TTC28: variants seen among roughly 807,000 people sequenced by gnomAD.
The protein encoded by TTC28 is tetratricopeptide repeat domain 28, also known as tetratricopeptide repeat protein 28.
TTC28 carries 61 observed loss-of-function variants against 198.0 expected under a neutral mutation model. The observed-to-expected ratio is 0.31, with a 90% confidence interval of 0.25 to 0.38. The LOEUF (loss-of-function observed/expected upper bound fraction) is 0.38, where lower values mean the gene tolerates loss of function less well. Among genes scored for constraint, TTC28 ranks in the 10% least tolerant of loss-of-function variants. The probability of loss-of-function intolerance (pLI) is 1.00; values close to 1 mark genes in which losing one functional copy is unlikely to be tolerated. For missense variants in TTC28, 2,678 were observed against 3,164.0 expected (o/e 0.85, Z 3.69); for synonymous variants, 1,171 against 1,297.8 (o/e 0.90, Z 2.10).
At chr22:28,533,839 G>A (rs1358884699) in intron 2 of TTC28, among the ~76,000 whole-genome samples, 2 of 152,280 alleles carry the variant, frequency 1.3e-5, no homozygotes, top group African/African-American at 4.8e-5. Context: ...AATGGTGCTG[G>A]GAAAACGGAC....
intron 2 of TTC28, among the ~76,000 whole-genome samples, chr22:28,485,178 G>C (rs766331749): frequency 6.6e-6 from 1 of 152,142 alleles, no homozygotes; most frequent in Non-Finnish European, 1.5e-5. Flanking sequence ...AACCTAGTTT[G>C]ATGAGAAAAT....
At chr22:28,123,908 G>T (rs1364793783) in intron 6 of TTC28, among the ~76,000 whole-genome samples, 4 of 152,010 alleles carry the variant, frequency 2.6e-5, no homozygotes, top group Non-Finnish European at 4.4e-5. Flanking sequence ...GCTTGAACCC[G>T]GGAGGCAGAG....
intron 12 of TTC28, among the ~76,000 whole-genome samples, chr22:28,058,741 T>A (rs1382062004): frequency 1.3e-5 from 2 of 152,066 alleles, no homozygotes; most frequent in Non-Finnish European, 2.9e-5. Context: ...TCATCTAAAC[T>A]TTGAGTTTGC....
chr22:28,309,143 C>G (rs2045204638), intron 2 of TTC28, among the ~76,000 whole-genome samples: 1 of 152,054 alleles, frequency 6.6e-6, no homozygotes, highest in Non-Finnish European at 1.5e-5. Context: ...GTTAAGCACC[C>G]AACGAAATTA....
chr22:28,315,235 GTCAAAGACTTT>G (rs1265063371), intron 2 of TTC28, among the ~76,000 whole-genome samples: 1 of 152,030 alleles, frequency 6.6e-6, no homozygotes, highest in Non-Finnish European at 1.5e-5. Context: ...AAGCTAAAAT[GTCAAAGACTTT>G]TATGCCATTT....
intron 12 of TTC28, among the ~76,000 whole-genome samples, chr22:28,058,837 AT>A (rs1437721555): frequency 6.6e-6 from 1 of 151,944 alleles, no homozygotes; most frequent in Non-Finnish European, 1.5e-5. Context: ...GGTAAAAGGA[AT>A]TTTTCAAGGA....
chr22:28,550,228 G>A (rs549179869), intron 2 of TTC28, among the ~76,000 whole-genome samples: 1 of 152,168 alleles, frequency 6.6e-6, no homozygotes, highest in South Asian at 2.1e-4. Context: ...ATTTTTTAGG[G>A]ACAGAGACCC....
rs1394782416 is a variant in TTC28, at chr22:27,983,362, C to T, written c.6305G>A (p.Ser2102Asn). 19 of 1,551,348 alleles carry T rather than the reference C, an allele frequency of 1.2e-5. No homozygotes were observed. The highest frequency in any genetic ancestry group is 1.6e-5 in the Non-Finnish European group (18 of 1,147,084). ...GMRVSVSSKG[S>N]ISTPNSPVKM... ...CACTGGAGAATTTGGAGTGCTGATGCTCCCTTTGGAGCTCACCGAGACTCT... is the reference window on the plus strand; with the variant it reads ...CACTGGAGAATTTGGAGTGCTGATGTTCCCTTTGGAGCTCACCGAGACTCT... Residue 2102 changes from serine (S) to asparagine (N), a missense_variant, in exon 23 of 23, where the codon AGC becomes AAC. Ser to Asn is a conservative substitution (Grantham distance 46). Coordinates refer to ENST00000397906, the MANE Select transcript of TTC28 (RefSeq NM_001145418.2).
chr22:28,579,320 T>C (rs1201523132), intron 2 of TTC28, among the ~76,000 whole-genome samples: 1 of 149,670 alleles, frequency 6.7e-6, no homozygotes, highest in Non-Finnish European at 1.5e-5. Flanking sequence ...TGTATGTATA[T>C]AGCTATTCAT....
At chr22:28,555,838 TA>T (rs1033078091) in intron 2 of TTC28, among the ~76,000 whole-genome samples, 13 of 152,154 alleles carry the variant, frequency 8.5e-5, no homozygotes, top group Admixed American at 6.5e-5. Flanking sequence ...CCTATTGAAA[TA>T]AATTTTTAAA....
chr22:28,595,356 T>C (rs771341575), intron 2 of TTC28, among the ~76,000 whole-genome samples: 1 of 152,250 alleles, frequency 6.6e-6, no homozygotes, highest in Non-Finnish European at 1.5e-5. Flanking sequence ...GAGAATGGTT[T>C]AATGTAAAAT....
chr22:27,984,311 C>A (rs1045876297), intron 22 of TTC28, among the ~76,000 whole-genome samples: 1 of 152,170 alleles, frequency 6.6e-6, no homozygotes, highest in Non-Finnish European at 1.5e-5. Flanking sequence ...GCCTCTCCCC[C>A]ATTCTCTCAA....
At position 28,225,368 on chromosome 22, in the gene TTC28, AAAGAAGAAG is replaced by A. The variant is rs148306183; in HGVS notation, c.934-61778_934-61770del. 1.9e-3 allele frequency among the ~76,000 whole-genome samples: 272 copies of A among 143,164 alleles called. 2 individuals are homozygous for A. Among genetic ancestry groups the A allele is most frequent in the African/African-American group, 5.4e-3 (199 of 37,144 alleles). 93.9% of individuals were successfully genotyped at this position (143,164 alleles called of 152,430 possible). A position where few individuals can be genotyped will look rare whatever the true frequency, so the allele number is the denominator to read the frequency against. ...AGAGATTCTGTTAAAAAAAAAAAGA[AAAGAAGAAG>A]AAGAAGAAGAAGAAGAAGAAGAAGA... On this transcript the variant is annotated intron_variant, in intron 5 of 22. Coordinates refer to ENST00000397906, the MANE Select transcript of TTC28 (RefSeq NM_001145418.2).
chr22:28,676,359 G>T (rs2051990113), intron 1 of TTC28, among the ~76,000 whole-genome samples: 1 of 152,166 alleles, frequency 6.6e-6, no homozygotes. Context: ...AGGGGAAAAG[G>T]CAATAAGGAT....
chr22:28,312,309 G>A (rs180889369), intron 2 of TTC28, among the ~76,000 whole-genome samples: 106 of 152,284 alleles, frequency 7.0e-4, no homozygotes, highest in African/African-American at 2.4e-3. Context: ...CAACGAGACA[G>A]AAAATTAACA....
At chr22:28,091,888 CA>C (rs1174053250) in intron 12 of TTC28, among the ~76,000 whole-genome samples, 1 of 152,096 alleles carries the variant, frequency 6.6e-6, no homozygotes, top group Non-Finnish European at 1.5e-5. Context: ...TATAAATGGG[CA>C]TAAGGGGTAG....
At chr22:28,352,901 T>C (rs2046021138) in intron 2 of TTC28, among the ~76,000 whole-genome samples, 1 of 151,486 alleles carries the variant, frequency 6.6e-6, no homozygotes, top group Non-Finnish European at 1.5e-5. Context: ...AGAGAGGTAA[T>C]AAGGAGAAAA....
At chr22:28,192,459 GAGA>G (rs1028966935) in intron 5 of TTC28, among the ~76,000 whole-genome samples, 1 of 152,328 alleles carries the variant, frequency 6.6e-6, no homozygotes, top group East Asian at 1.9e-4. Flanking sequence ...GACGAGTTGA[GAGA>G]AGAAGTTTTC....
intron 5 of TTC28, among the ~76,000 whole-genome samples, chr22:28,180,373 C>A (rs1165494331): frequency 6.6e-6 from 1 of 151,958 alleles, no homozygotes; most frequent in Non-Finnish European, 1.5e-5. Context: ...ATGATATCAC[C>A]CAATATCATC....
Sources: allele counts gnomAD v4.1 joint callset (sites outside exome capture counted in the v4.1 genomes callset), GRCh38; gene constraint gnomAD v4.1.1; transcripts MANE v1.5; gene names NCBI Gene and HGNC (gene_info 2026-07-23, HGNC 2026-07-21).